UCKL1: variants seen among roughly 807,000 people sequenced by gnomAD.
UCKL1 encodes the protein uridine-cytidine kinase-like 1.
Under a neutral mutation model 59.2 loss-of-function variants are expected in UCKL1, and 65 were observed. That is an observed-to-expected ratio of 1.10 (90% confidence interval 0.90 to 1.35). The LOEUF (loss-of-function observed/expected upper bound fraction) is 1.35. UCKL1 is among the 40% of genes most tolerant of loss of function. UCKL1 has a pLI of 0.00. For synonymous variants in UCKL1, 410 were observed against 323.1 expected (o/e 1.27, Z -2.88); for missense variants, 703 against 784.3 (o/e 0.90, Z 1.24).
chr20:63,947,421 C>T (rs553955570), intron 1 of UCKL1, among the ~76,000 whole-genome samples: 19 of 152,326 alleles, frequency 1.2e-4, no homozygotes, highest in African/African-American at 2.9e-4. Context: ...CCCAAGGAGA[C>T]GTGAGGGCGG....
chr20:63,945,918 G>C lies in UCKL1; in HGVS notation c.469C>G (p.Pro157Ala). ...AAHNNFNFDHPDAFDFDLIIS... is the reference protein window; with the variant it reads ...AAHNNFNFDHADAFDFDLIIS... ...ATGAGGTCGAAGTCAAAGGCATCTG[G>C]GTGGTCGAAGTTGAAGTTGTTGTGT... Residue 157 changes from proline (P) to alanine (A), a missense_variant, in exon 4 of 15, where the codon CCA becomes GCA. Physicochemically the swap from Pro to Ala is conservative, Grantham distance 27. This residue lies in a region of UCKL1 where 398 missense variants were observed against 373.0 expected (regional missense o/e 1.07). Transcript: ENST00000354216. 6.2e-7 allele frequency: 1 copy of C among 1,613,890 alleles called. No homozygotes were observed. Among genetic ancestry groups the C allele is most frequent in the African/African-American group, 1.3e-5 (1 of 75,054 alleles).
intron 1 of UCKL1, among the ~76,000 whole-genome samples, chr20:63,950,424 A>C (rs1298445268): frequency 6.6e-6 from 1 of 152,190 alleles, no homozygotes; most frequent in Non-Finnish European, 1.5e-5. Flanking sequence ...AAAACTTTAG[A>C]ATATTAAAAA....
At position 63,944,671 on chromosome 20, in the gene UCKL1, G is replaced by A. The variant is rs895221965; in HGVS notation, c.718C>T (p.Arg240Trp). The A allele has an allele frequency of 8.7e-6, 14 of 1,612,600 alleles. No individual in the cohort carries two copies. Among genetic ancestry groups the A allele is most frequent in the East Asian group, 6.7e-5 (3 of 44,892 alleles). ...SDIRLVRRLRRDISERGRDIE... is the reference protein window; with the variant it reads ...SDIRLVRRLRWDISERGRDIE... ...TCCCGGCCGCGCTCACTGATGTCCC[G>A]GCGCAGCCGCCGTACCAGGCGGATG... The change falls in exon 6 of 15, where the codon CGG becomes TGG. Residue 240 changes from arginine (R) to tryptophan (W), a missense_variant. Physicochemically the swap from Arg to Trp is moderately radical, Grantham distance 101. Transcript: ENST00000354216.
At chr20:63,941,352 G>T in intron 8 of UCKL1, 144 bp from the exon 9 acceptor site, 1 of 1,292,572 alleles carries the variant, frequency 7.7e-7, no homozygotes, top group Non-Finnish European at 1.1e-6. Flanking sequence ...ACTTCTGCCT[G>T]GGGCTGAGCT....
intron 1 of UCKL1, among the ~76,000 whole-genome samples, chr20:63,950,406 C>A (rs1169618285): frequency 6.6e-6 from 1 of 152,048 alleles, no homozygotes; most frequent in Non-Finnish European, 1.5e-5. Flanking sequence ...GAGACGGTCT[C>A]CACACAAAAA....
Position 63,945,759 on chromosome 20 carries a change from T to C in UCKL1, c.583-37A>G, listed in dbSNP as rs367826728. The C allele has an allele frequency of 5.0e-6, 8 of 1,612,672 alleles. No individual in the cohort carries two copies. The African/African-American group carries it at 6.7e-5, about 13-fold the overall frequency. On this transcript the variant is annotated intron_variant, in intron 4 of 14. Transcript: ENST00000354216. ...CCCAGGAGTTGCGGAGCCTGGCTCA[T>C]GTGCCTGCAGCCCCCCGAGGCCCCC...
intron 3 of UCKL1, 52 bp downstream of exon 3, chr20:63,946,109 A>T (rs891141402): frequency 6.2e-6 from 10 of 1,606,350 alleles, no homozygotes; most frequent in Non-Finnish European, 8.5e-6. Flanking sequence ...CAGGGGGTCC[A>T]GGGTCAGGGA....
intron 1 of UCKL1, among the ~76,000 whole-genome samples, chr20:63,949,733 G>A (rs1029600953): frequency 6.6e-6 from 1 of 152,226 alleles, no homozygotes; most frequent in Non-Finnish European, 1.5e-5. Context: ...ATCACCCACT[G>A]TCTTCAACCT....
chr20:63,945,418 G>A (rs1455109358), intron 5 of UCKL1, among the ~76,000 whole-genome samples: 1 of 152,250 alleles, frequency 6.6e-6, no homozygotes, highest in Admixed American at 6.5e-5. Context: ...TATGCGCACA[G>A]GCCTCAGCCG....
rs745442312 is a variant in UCKL1 at position 63,945,848 on chromosome 20, A to C, written c.539T>G (p.Val180Gly). Residue 180 changes from valine (V) to glycine (G), a missense_variant, in exon 4 of 15, where the codon GTG (valine) becomes GGG (glycine). Physicochemically the swap from Val to Gly is moderately radical, Grantham distance 109. Around this residue, in one of 4 missense-constraint regions of UCKL1, gnomAD observed 398 missense variants for 373.0 expected, o/e 1.07. Coordinates refer to ENST00000354216, the MANE Select transcript of UCKL1 (RefSeq NM_017859.4). ...KKLKQGKSVK[V>G]PIYDFTTHSR... ...GTGCGTGGTGAAGTCATAAATGGGC[A>C]CCTTGACACTCTTCCCCTGCTTCAG... 47 of 1,613,242 alleles carry C rather than the reference A, an allele frequency of 2.9e-5. No individual in the cohort carries two copies. Among genetic ancestry groups the C allele is most frequent in the Non-Finnish European group, 3.9e-5 (46 of 1,179,920 alleles).
intron 1 of UCKL1, among the ~76,000 whole-genome samples, chr20:63,947,439 G>A (rs1183500202): frequency 6.6e-6 from 1 of 152,236 alleles, no homozygotes; most frequent in Non-Finnish European, 1.5e-5. Context: ...CGGCGTGTGG[G>A]TGGAGGCGAG....
At chr20:63,944,480 G>A in intron 6 of UCKL1, 22 bp from the exon 7 acceptor site, 1 of 1,576,528 alleles carries the variant, frequency 6.3e-7, no homozygotes, top group Non-Finnish European at 8.6e-7. Flanking sequence ...TGGGGGGGCG[G>A]GTGACCGGGG....
chr20:63,943,564 C>T lies in UCKL1; in HGVS notation c.923+89G>A, dbSNP rs562684623. ...CCTTCTGTGACTGGGGAAGAGCCAG[C>T]TGCCTGGCTGGATCACAGCCCAGAC... On this transcript the variant is annotated intron_variant, in intron 8 of 14. Transcript: ENST00000354216. 5.6e-5 allele frequency: 89 copies of T among 1,585,430 alleles called. 1 individual carries two copies. Among genetic ancestry groups the T allele is most frequent in the Middle Eastern group, 1.7e-4 (1 of 6,000 alleles).
intron 1 of UCKL1, among the ~76,000 whole-genome samples, chr20:63,948,836 G>T (rs2057091697): frequency 6.6e-6 from 1 of 151,844 alleles, no homozygotes; most frequent in Non-Finnish European, 1.5e-5. Context: ...CCACTTTGTT[G>T]CCATAAACCA....
At chr20:63,942,523 G>C in intron 8 of UCKL1, 2 of 1,158,374 alleles carry the variant, frequency 1.7e-6, no homozygotes, top group Non-Finnish European at 2.2e-6. Context: ...TTCAGGGAGG[G>C]AACAAGGCAG....
intron 8 of UCKL1, 105 bp downstream of exon 8, chr20:63,943,548 A>G: frequency 6.4e-7 from 1 of 1,550,462 alleles, no homozygotes; most frequent in Non-Finnish European, 8.8e-7. Context: ...CCCTTCTGTG[A>G]CTGGGGAAGA....
Position 63,946,190 on chromosome 20 carries a change from CCACCCAGGGCA to C in UCKL1, c.371_381del (p.Val124GlyfsTer14). On this transcript the variant is annotated frameshift_variant, in exon 3 of 15. Coordinates refer to ENST00000354216, the MANE Select transcript of UCKL1 (RefSeq NM_017859.4). LOFTEE classifies it high-confidence loss of function. Reference sequence around the variant, plus strand: ...TAGAAGGAGTCCATGGACAGCAAGACCACCCAGGGCACATCCAGGGCCTCGATGATCATTCT... The same window carrying C: ...TAGAAGGAGTCCATGGACAGCAAGACCATCCAGGGCCTCGATGATCATTCT... The C allele has an allele frequency of 6.2e-7, 1 of 1,612,128 alleles. No individual in the cohort carries two copies. The highest frequency in any genetic ancestry group is 1.3e-5 in the African/African-American group (1 of 75,020).
At position 63,940,033 on chromosome 20, in the gene UCKL1, A is replaced by G; in HGVS notation, c.1590T>C (p.Phe530=). The G allele has an allele frequency of 7.1e-7, 1 of 1,400,688 alleles. No homozygotes were observed. The highest frequency in any genetic ancestry group is 3.8e-5 in the East Asian group (1 of 26,144). 86.8% of individuals were successfully genotyped at this position (1,400,688 alleles called of 1,614,324 possible). Residue 530 remains phenylalanine, a synonymous_variant, in exon 15 of 15, where the codon TTT becomes TTC. Transcript: ENST00000354216. ...PGIGNFGDRY[F]GTDAVPDGSD... Reference sequence around the variant, plus strand: ...TGCCATCGGGGACCGCGTCTGTCCCAAAGTAGCGGTCGCCAAAGTTCCCTG... The same window carrying G: ...TGCCATCGGGGACCGCGTCTGTCCCGAAGTAGCGGTCGCCAAAGTTCCCTG...
At chr20:63,947,904 A>G (rs1363064882) in intron 1 of UCKL1, among the ~76,000 whole-genome samples, 4 of 151,976 alleles carry the variant, frequency 2.6e-5, no homozygotes, top group Non-Finnish European at 4.4e-5. Context: ...TCAGTTTACA[A>G]CCTCAAGTGG....
Sources: gnomAD v4.1 joint callset for allele counts (sites outside exome capture counted in the v4.1 genomes callset) on GRCh38, gnomAD v4.1.1 for gene constraint, gnomAD v4.1.1 regional missense constraint, MANE v1.5 for transcripts, NCBI Gene and HGNC (gene_info 2026-07-23, HGNC 2026-07-21) for gene names.